Variants in VWA5B1 observed in about 807,000 individuals in gnomAD.
The protein encoded by VWA5B1 is von Willebrand factor A domain containing 5B1.
Under a neutral mutation model 118.2 loss-of-function variants are expected in VWA5B1, and 115 were observed. That is an observed-to-expected ratio of 0.97 (90% CI 0.84 to 1.14). The LOEUF (loss-of-function observed/expected upper bound fraction) is 1.14. Among genes scored for constraint, VWA5B1 ranks in the 50% most tolerant of loss-of-function variants. The pLI, the probability that VWA5B1 is intolerant of heterozygous loss-of-function variation, is 0.00. For synonymous variants in VWA5B1, 682 were observed against 658.4 expected, an observed-to-expected ratio of 1.04 and a Z score of -0.55; for missense variants, 1,596 against 1,603.8, an observed-to-expected ratio of 1.00 and a Z score of 0.08.
intron 21 of VWA5B1, among the ~76,000 whole-genome samples, chr1:20,352,605 T>C (rs890037374): frequency 2.6e-5 from 4 of 152,110 alleles, no homozygotes; most frequent in Non-Finnish European, 5.9e-5. Flanking sequence ...TGCAGACACC[T>C]CAGCATGCTG....
Position 20,291,351 on chromosome 1 carries a change from T to C in VWA5B1, c.-27+263T>C, listed in dbSNP as rs77386141. On this transcript the variant is annotated intron_variant, in intron 1 of 21. Coordinates refer to ENST00000289815, the MANE Select transcript of VWA5B1 (RefSeq NM_001039500.3). ...CAGCTCTCTCTCTCTCTTTCTTTCTTTCTTTCTTTCTCTCTCTCTCTCTCT... is the reference window on the plus strand; with the variant it reads ...CAGCTCTCTCTCTCTCTTTCTTTCTCTCTTTCTTTCTCTCTCTCTCTCTCT... Among the ~76,000 whole-genome samples the C allele has an allele frequency of 3.9e-3, 403 of 103,062 alleles. 4 individuals carry two copies. The highest frequency in any genetic ancestry group is 0.021 in the South Asian group (67 of 3,122). 67.6% of individuals were successfully genotyped at this position (103,062 alleles called of 152,430 possible).
intron 12 of VWA5B1, among the ~76,000 whole-genome samples, chr1:20,333,207 G>C (rs189743382): frequency 6.6e-6 from 1 of 152,216 alleles, no homozygotes; most frequent in Non-Finnish European, 1.5e-5. Flanking sequence ...ACCACTTGAA[G>C]AACTTGTTTA....
intron 14 of VWA5B1, among the ~76,000 whole-genome samples, chr1:20,340,402 G>T (rs2089845232): frequency 6.6e-6 from 1 of 152,094 alleles, no homozygotes; most frequent in African/African-American, 2.4e-5. Context: ...GCCCTGGCTG[G>T]GGTCATCCTG....
In VWA5B1 at chr1:20,348,425, C is replaced by T. The variant is rs183019068; in HGVS notation, c.2878+67C>T. The T allele has an allele frequency of 2.3e-5, 34 of 1,492,574 alleles. No homozygotes were observed. The Admixed American group carries it at 4.1e-4, about 18-fold the overall frequency. The allele number at this position is 1,492,574 out of a possible 1,614,324, so 92.5% of individuals were successfully genotyped here. A position where few individuals can be genotyped will look rare whatever the true frequency, so the allele number is the denominator to read the frequency against. Reference sequence around the variant, plus strand: ...CGGAAGCCTGGGCCCCTGAGGTTACCGCGTCCTCCTGTCCGAGGCCCTAGG... The same window carrying T: ...CGGAAGCCTGGGCCCCTGAGGTTACTGCGTCCTCCTGTCCGAGGCCCTAGG... On this transcript the variant is annotated intron_variant, in intron 18 of 21. Coordinates refer to ENST00000289815, the MANE Select transcript of VWA5B1 (RefSeq NM_001039500.3).
chr1:20,317,754 G>GGCCCCC, intron 5 of VWA5B1, 79 bp downstream of exon 5: 1 of 483,720 alleles, frequency 2.1e-6, no homozygotes, highest in Non-Finnish European at 3.8e-6. Flanking sequence ...ACGGGGGTGG[G>GGCCCCC]AAGGAAAGCC....
Position 20,337,981 on chromosome 1 carries a change from A to G in VWA5B1, c.2133+145A>G, listed in dbSNP as rs138254934. ...TCCCTCTTTCCTTCCCTAGGCCTTC[A>G]TCTGCCTTACCTCCGAGGACACCTT... On this transcript the variant is annotated intron_variant, in intron 14 of 21. Transcript: ENST00000289815. 27 of 1,058,102 alleles carry G rather than the reference A, an allele frequency of 2.6e-5. No homozygotes were observed. In the African/African-American group the frequency reaches 3.9e-4, roughly 15 times the overall value. The allele number at this position is 1,058,102 out of a possible 1,614,324, so 65.5% of individuals were successfully genotyped here.
intron 3 of VWA5B1, among the ~76,000 whole-genome samples, chr1:20,313,619 A>G (rs550474387): frequency 2.9e-4 from 44 of 152,386 alleles, no homozygotes; most frequent in African/African-American, 9.9e-4. Context: ...AGCCAGGGCT[A>G]GAATGTAGAC....
At chr1:20,336,627 A>C in intron 13 of VWA5B1, 141 bp downstream of exon 13, 1 of 1,010,086 alleles carries the variant, frequency 9.9e-7, no homozygotes, top group Non-Finnish European at 1.3e-6. Context: ...GAGGAAATTG[A>C]GACTTGGAGA....
intron 17 of VWA5B1, among the ~76,000 whole-genome samples, 182 bp downstream of exon 17, chr1:20,345,775 T>A (rs2089995344): frequency 6.6e-6 from 1 of 152,186 alleles, no homozygotes; most frequent in Non-Finnish European, 1.5e-5. Context: ...TGGGGCCTCA[T>A]CCCACTGCTC....
intron 19 of VWA5B1, among the ~76,000 whole-genome samples, chr1:20,350,531 C>T (rs556387285): frequency 7.2e-5 from 11 of 152,286 alleles, no homozygotes; most frequent in East Asian, 5.8e-4. Flanking sequence ...CCTCTAGCAA[C>T]GTGCCAAGGA....
At chr1:20,348,196 A>G (rs1463737801) in intron 17 of VWA5B1, 49 bp from the exon 18 acceptor site, 1 of 1,499,218 alleles carries the variant, frequency 6.7e-7, no homozygotes, top group South Asian at 1.2e-5. Flanking sequence ...AAGGCAAAGG[A>G]CTGGCACATT....
chr1:20,342,246 C>T (rs529957734), intron 14 of VWA5B1, among the ~76,000 whole-genome samples, 186 bp from the exon 15 acceptor site: 44 of 147,944 alleles, frequency 3.0e-4, no homozygotes, highest in African/African-American at 9.0e-4. Flanking sequence ...CTGGGTCATG[C>T]GTCCCTGAGT....
At chr1:20,332,608 A>G (rs1452393896) in intron 11 of VWA5B1, among the ~76,000 whole-genome samples, 158 bp from the exon 12 acceptor site, 1 of 152,218 alleles carries the variant, frequency 6.6e-6, no homozygotes. Flanking sequence ...CTGTGAGTCT[A>G]AGAAGCTCAG....
At chr1:20,306,343 C>A (rs573105227) in intron 1 of VWA5B1, among the ~76,000 whole-genome samples, 1 of 151,744 alleles carries the variant, frequency 6.6e-6, no homozygotes, top group East Asian at 1.9e-4. Context: ...TCAATGGGGG[C>A]TTGAGGGACG....
Position 20,336,384 on chromosome 1 carries a change from G to T in VWA5B1, c.1840G>T (p.Gly614Trp). The T allele has an allele frequency of 6.5e-7, 1 of 1,526,962 alleles. No individual in the cohort carries two copies. Among genetic ancestry groups the T allele is most frequent in the Non-Finnish European group, 8.8e-7 (1 of 1,134,394 alleles). 94.6% of individuals were successfully genotyped at this position (1,526,962 alleles called of 1,614,324 possible). ...VFYHSQDDGP[G>W]LEGGDCAKNS... ...CTACCACTCTCAGGATGACGGACCCGGGCTGGAAGGTGGAGACTGTGCCAA... is the reference window on the plus strand; with the variant it reads ...CTACCACTCTCAGGATGACGGACCCTGGCTGGAAGGTGGAGACTGTGCCAA... The change falls in exon 13 of 22, where the codon GGG becomes TGG. Residue 614 changes from glycine (G) to tryptophan (W), a missense_variant. By Grantham distance (184) the Gly-to-Trp change is radical. Transcript: ENST00000289815.
At position 20,358,434 on chromosome 1, in the gene VWA5B1, T is replaced by C. The variant is rs2090266085; in HGVS notation, c.*4171T>C. Among the ~76,000 whole-genome samples, 1 of 152,146 alleles carries C rather than the reference T, an allele frequency of 6.6e-6. No homozygotes were observed. The highest frequency in any genetic ancestry group is 1.5e-5 in the Non-Finnish European group (1 of 68,008). ...CCCTTCTCTCTTCCTTGGCAGGGAC[T>C]CCCCATGAGAGGGAAGGAGGAAAGG... On this transcript the variant is annotated 3_prime_UTR_variant, in exon 22 of 22. Transcript: ENST00000289815.
chr1:20,308,373 G>A (rs1172473393), intron 1 of VWA5B1, among the ~76,000 whole-genome samples: 1 of 152,214 alleles, frequency 6.6e-6, no homozygotes. Flanking sequence ...CTCACCCCAA[G>A]GTGGACTGGA....
intron 5 of VWA5B1, 71 bp downstream of exon 5, chr1:20,317,746 G>T (rs1312116839): frequency 1.4e-6 from 2 of 1,436,336 alleles, no homozygotes; most frequent in Non-Finnish European, 1.9e-6. Context: ...GGGATGGGAC[G>T]GGGGTGGGAA....
At chr1:20,335,184 A>T (rs1445696447) in intron 12 of VWA5B1, among the ~76,000 whole-genome samples, 2 of 152,138 alleles carry the variant, frequency 1.3e-5, no homozygotes, top group East Asian at 3.9e-4. Context: ...ACGTGGTGGC[A>T]TATGCTTGTA....
Sources: allele counts gnomAD v4.1 joint callset (sites outside exome capture counted in the v4.1 genomes callset), GRCh38; gene constraint gnomAD v4.1.1; transcripts MANE v1.5; gene names NCBI Gene and HGNC (gene_info 2026-07-23, HGNC 2026-07-21).